Variants in RECK observed in about 807,000 individuals in gnomAD.
The protein encoded by RECK is reversion-inducing cysteine-rich protein with Kazal motifs.
In RECK, 69 loss-of-function variants were observed where a neutral mutation model predicts 115.1. The ratio of observed to expected loss-of-function variants is 0.60; its 90% CI spans 0.49 to 0.73. RECK has a LOEUF of 0.73. Among genes scored for constraint, RECK ranks in the 30% least tolerant of loss-of-function variants. RECK has a pLI of 0.00. For synonymous variants in RECK, 414 were observed against 419.7 expected, an observed-to-expected ratio of 0.99 and a Z score of 0.17; for missense variants, 1,047 against 1,203.7, an observed-to-expected ratio of 0.87 and a Z score of 1.93.
chr9:36,082,245 G>C (rs991780521), intron 7 of RECK, among the ~76,000 whole-genome samples: 1 of 150,340 alleles, frequency 6.7e-6, no homozygotes. Context: ...GTGTGGTGGC[G>C]AGATCTTGGC....
intron 9 of RECK, among the ~76,000 whole-genome samples, chr9:36,089,970 A>ACG (rs1362170704): frequency 3.1e-5 from 1 of 32,170 alleles, no homozygotes; most frequent in Admixed American, 2.3e-4. Context: ...CTAAAAATAC[A>ACG]CACACACACA....
chr9:36,089,334 A>T (rs1460443303), intron 9 of RECK, among the ~76,000 whole-genome samples: 1 of 152,202 alleles, frequency 6.6e-6, no homozygotes, highest in Non-Finnish European at 1.5e-5. Flanking sequence ...TCTAACCTTG[A>T]TACAGGGTTT....
chr9:36,036,963 G>C lies in RECK; in HGVS notation c.-36G>C, dbSNP rs368806096. On this transcript the variant is annotated 5_prime_UTR_variant, in exon 1 of 21. Coordinates refer to ENST00000377966, the MANE Select transcript of RECK (RefSeq NM_021111.3). Reference sequence around the variant, plus strand: ...CAGCGGCTGCGGCCAAGCTGGGTCCGAGCATCCCGCGGCTCTGGAGCCGCC... The same window carrying C: ...CAGCGGCTGCGGCCAAGCTGGGTCCCAGCATCCCGCGGCTCTGGAGCCGCC... 120 of 1,361,144 alleles carry C rather than the reference G, an allele frequency of 8.8e-5. No homozygotes were observed. The East Asian group carries it at 1.4e-3, about 16-fold the overall frequency. 84.3% of individuals were successfully genotyped at this position (1,361,144 alleles called of 1,614,324 possible).
chr9:36,040,522 G>A (rs899109594), intron 1 of RECK, among the ~76,000 whole-genome samples: 1 of 152,110 alleles, frequency 6.6e-6, no homozygotes, highest in Non-Finnish European at 1.5e-5. Context: ...ACCACATAAG[G>A]ATTATGGATT....
chr9:36,121,171 C>T (rs1331189061), intron 19 of RECK, among the ~76,000 whole-genome samples: 1 of 152,188 alleles, frequency 6.6e-6, no homozygotes, highest in Non-Finnish European at 1.5e-5. Flanking sequence ...CTTTTCTGCA[C>T]CATCACAGGG....
chr9:36,115,090 G>A (rs1349572551), intron 16 of RECK, among the ~76,000 whole-genome samples: 1 of 151,980 alleles, frequency 6.6e-6, no homozygotes, highest in East Asian at 1.9e-4. Context: ...AGAGGTGGGT[G>A]AATCACTTGA....
intron 6 of RECK, among the ~76,000 whole-genome samples, chr9:36,071,946 C>T (rs1455014271): frequency 6.6e-6 from 1 of 152,072 alleles, no homozygotes; most frequent in African/African-American, 2.4e-5. Flanking sequence ...GTTCAAAATT[C>T]AAAATGGTAT....
intron 10 of RECK, among the ~76,000 whole-genome samples, chr9:36,097,150 C>A (rs1288887973): frequency 6.6e-6 from 1 of 151,898 alleles, no homozygotes; most frequent in Non-Finnish European, 1.5e-5. Context: ...ATGGTGAAAC[C>A]CCGTCTCTAC....
At chr9:36,083,331 T>C in intron 7 of RECK, 34 bp from the exon 8 acceptor site, 1 of 1,602,298 alleles carries the variant, frequency 6.2e-7, no homozygotes, top group South Asian at 1.1e-5. Context: ...AAAAGCTGTT[T>C]CCATGTCAGT....
chr9:36,056,254 AACC>A (rs1282252523), intron 2 of RECK, among the ~76,000 whole-genome samples: 1 of 145,678 alleles, frequency 6.9e-6, no homozygotes, highest in Non-Finnish European at 1.6e-5. Context: ...AAAAAAAAAT[AACC>A]ACAATACTGT....
chr9:36,066,741 G>A, intron 6 of RECK: 2 of 1,181,166 alleles, frequency 1.7e-6, no homozygotes, highest in Non-Finnish European at 2.2e-6. Context: ...TCTCCTACAT[G>A]ATGTCTGACA....
intron 4 of RECK, 66 bp from the exon 5 acceptor site, chr9:36,063,729 C>A (rs1821875923): frequency 5.5e-6 from 8 of 1,447,190 alleles, no homozygotes; most frequent in Admixed American, 1.8e-5. Context: ...AGCCTTGAAA[C>A]ATCTGGCATG....
chr9:36,080,014 T>G (rs1822620543), intron 6 of RECK, among the ~76,000 whole-genome samples: 1 of 152,302 alleles, frequency 6.6e-6, no homozygotes, highest in Non-Finnish European at 1.5e-5. Context: ...TTTCTTCATC[T>G]GTAAAATGAT....
At chr9:36,086,759 C>T (rs916475041) in intron 8 of RECK, among the ~76,000 whole-genome samples, 26 of 152,310 alleles carry the variant, frequency 1.7e-4, no homozygotes, top group Middle Eastern at 3.4e-3. Flanking sequence ...GAGGCCCAGC[C>T]GGCTTCACCT....
chr9:36,057,022 G>A, intron 2 of RECK: 21 of 985,122 alleles, frequency 2.1e-5, no homozygotes, highest in Non-Finnish European at 2.5e-5. Flanking sequence ...AGGTAATCAT[G>A]AAGGTCTGTC....
intron 15 of RECK, among the ~76,000 whole-genome samples, chr9:36,111,480 G>A (rs1300634712): frequency 2.6e-5 from 4 of 151,998 alleles, no homozygotes; most frequent in Admixed American, 1.3e-4. Flanking sequence ...CACAAACTCC[G>A]CCTCCTGGGA....
intron 12 of RECK, among the ~76,000 whole-genome samples, chr9:36,102,817 G>A (rs996786711): frequency 2.0e-5 from 3 of 151,930 alleles, no homozygotes; most frequent in Non-Finnish European, 4.4e-5. Context: ...TCAGCCAGGC[G>A]TGGTGGCGGG....
chr9:36,119,930 A>G (rs1190264239), intron 18 of RECK, among the ~76,000 whole-genome samples: 1 of 152,200 alleles, frequency 6.6e-6, no homozygotes, highest in Non-Finnish European at 1.5e-5. Context: ...GTTTAAAATA[A>G]TTTTTAAAAT....
chr9:36,081,786 A>G (rs1267246161), intron 7 of RECK, among the ~76,000 whole-genome samples: 1 of 151,030 alleles, frequency 6.6e-6, no homozygotes, highest in Non-Finnish European at 1.5e-5. Flanking sequence ...GTAAGCCAAG[A>G]TCGCGCCACT....
Sources: gnomAD v4.1 joint callset for allele counts (sites outside exome capture counted in the v4.1 genomes callset) on GRCh38, gnomAD v4.1.1 for gene constraint, MANE v1.5 for transcripts, NCBI Gene and HGNC (gene_info 2026-07-23, HGNC 2026-07-21) for gene names.